The following CENPH variants were observed in gnomAD, a reference collection of about 807,000 sequenced individuals.
CENPH encodes the protein centromere protein H.
In CENPH, 40 loss-of-function variants were observed where a neutral mutation model predicts 42.9. That is an observed-to-expected ratio of 0.93 (90% CI 0.72 to 1.21). The LOEUF is 1.21. Ranked by LOEUF, CENPH falls within the 50% of genes most tolerant of loss-of-function variation. The pLI is 0.00. For synonymous variants in CENPH, 88 were observed against 96.5 expected (o/e 0.91, Z 0.52); for missense variants, 302 against 292.9 (o/e 1.03, Z -0.23).
chr5:69,192,442 A>G (rs1747892384), intron 2 of CENPH, among the ~76,000 whole-genome samples: 1 of 152,214 alleles, frequency 6.6e-6, no homozygotes. Context: ...TAGAATTTCT[A>G]TACCTAGGAG....
chr5:69,202,606 G>A, intron 6 of CENPH, 37 bp downstream of exon 6: 1 of 1,163,324 alleles, frequency 8.6e-7, no homozygotes, highest in East Asian at 2.4e-5. Context: ...GCATTCTCAT[G>A]ATTTTACTCT....
intron 5 of CENPH, among the ~76,000 whole-genome samples, chr5:69,201,013 G>T (rs1188375630): frequency 2.7e-5 from 4 of 148,202 alleles, no homozygotes; most frequent in East Asian, 3.9e-4. Flanking sequence ...TTTTTAAATA[G>T]AGATGTGGTC....
At chr5:69,193,663 G>GTTT (rs527294772) in intron 2 of CENPH, among the ~76,000 whole-genome samples, 3 of 135,496 alleles carry the variant, frequency 2.2e-5, no homozygotes, top group Non-Finnish European at 3.2e-5. Context: ...TGTTTTTTCT[G>GTTT]TTTTTTTTTT....
intron 4 of CENPH, among the ~76,000 whole-genome samples, chr5:69,195,997 G>A (rs556279973): frequency 1.3e-5 from 2 of 152,180 alleles, no homozygotes; most frequent in South Asian, 2.1e-4. Context: ...GGAGTACAGC[G>A]ACATGATCAC....
intron 7 of CENPH, 91 bp from the exon 8 acceptor site, chr5:69,208,105 T>G (rs1261919928): frequency 4.7e-6 from 3 of 635,478 alleles, no homozygotes; most frequent in Non-Finnish European, 7.3e-6. Flanking sequence ...TTGACTAAAA[T>G]AACCAAGAAG....
At chr5:69,206,438 C>T (rs781329484) in intron 7 of CENPH, among the ~76,000 whole-genome samples, 1 of 151,904 alleles carries the variant, frequency 6.6e-6, no homozygotes, top group Non-Finnish European at 1.5e-5. Context: ...ACCTCGGCCT[C>T]CCAAAGTGCT....
At position 69,205,352 on chromosome 5, in the gene CENPH, C is replaced by G. The variant is rs578112374; in HGVS notation, c.487+2382C>G. Among the ~76,000 whole-genome samples the G allele has an allele frequency of 1.5e-3, 225 of 151,816 alleles. 1 individual carries two copies. Among genetic ancestry groups the G allele is most frequent in the African/African-American group, 5.3e-3 (220 of 41,412 alleles). ...AAGCCATTCTTCTGCGTCAGCCTCT[C>G]GAGTAGCTGGGATTACAGGCGTGCC... On this transcript the variant is annotated intron_variant, in intron 7 of 8. Coordinates refer to ENST00000283006, the MANE Select transcript of CENPH (RefSeq NM_022909.4).
intron 8 of CENPH, among the ~76,000 whole-genome samples, chr5:69,208,786 T>C (rs1748201232): frequency 6.6e-6 from 1 of 152,072 alleles, no homozygotes; most frequent in African/African-American, 2.4e-5. Flanking sequence ...ACTTAATGTT[T>C]AAGGTCTTGA....
intron 1 of CENPH, among the ~76,000 whole-genome samples, chr5:69,190,058 C>T (rs779254796): frequency 5.9e-5 from 9 of 152,174 alleles, no homozygotes; most frequent in Non-Finnish European, 8.8e-5. Flanking sequence ...CCGCCCTCCC[C>T]CTACCTCTCT....
At chr5:69,202,147 A>G (rs1748069662) in intron 5 of CENPH, among the ~76,000 whole-genome samples, 1 of 152,238 alleles carries the variant, frequency 6.6e-6, no homozygotes, top group South Asian at 2.1e-4. Flanking sequence ...CATTCAAAAT[A>G]AAAACTAAAA....
At chr5:69,197,017 C>T in intron 4 of CENPH, 36 bp from the exon 5 acceptor site, 2 of 1,387,426 alleles carry the variant, frequency 1.4e-6, no homozygotes, top group Non-Finnish European at 2.0e-6. Context: ...CAAATGTTAT[C>T]CATGTTTTAT....
In CENPH at chr5:69,202,497, C is replaced by T. The variant is rs1281465909; in HGVS notation, c.372-9C>T. 2.0e-6 allele frequency: 3 copies of T among 1,473,360 alleles called. No individual in the cohort carries two copies. The highest frequency in any genetic ancestry group is 1.9e-5 in the Admixed American group (1 of 53,292). 91.3% of individuals were successfully genotyped at this position (1,473,360 alleles called of 1,614,324 possible). On this transcript the variant is annotated splice_polypyrimidine_tract_variant and intron_variant, in intron 5 of 8. Coordinates refer to ENST00000283006, the MANE Select transcript of CENPH (RefSeq NM_022909.4). ...ACCTTAATAAATCATCTTTTTGTTT[C>T]CTTTTCAGTGTGCTCATGGATAACA...
intron 2 of CENPH, among the ~76,000 whole-genome samples, chr5:69,193,184 T>G (rs1747907045): frequency 6.8e-6 from 1 of 147,656 alleles, no homozygotes; most frequent in Non-Finnish European, 1.5e-5. Context: ...TGTGTGTATG[T>G]GTATATATGT....
rs775082990 is a variant in CENPH at position 69,189,584 on chromosome 5, T to A, written c.-51T>A. 18 of 1,504,250 alleles carry A rather than the reference T, an allele frequency of 1.2e-5. 1 individual carries two copies. Among genetic ancestry groups the A allele is most frequent in the South Asian group, 1.1e-4 (9 of 79,208 alleles). 93.2% of individuals were successfully genotyped at this position (1,504,250 alleles called of 1,614,324 possible). A position where few individuals can be genotyped will look rare whatever the true frequency, so the allele number is the denominator to read the frequency against. ...CCATTTAGTGGCGGGAAAAGCGACC[T>A]TTTCTGAGCGCGTTTGCCTGTTGAG... On this transcript the variant is annotated 5_prime_UTR_variant, in exon 1 of 9. Transcript: ENST00000283006.
Position 69,194,680 on chromosome 5 carries a change from A to C in CENPH, c.224A>C (p.Glu75Ala). ...EEKTPEQIMQ[E>A]KQIEAKIEDL... ...AAAACTCCAGAACAAATTATGCAAG[A>C]AAAGCAAATCGAAGCGTATGTTATA... Residue 75 changes from glutamate (E) to alanine (A), a missense_variant, in exon 3 of 9, where the codon GAA becomes GCA. Physicochemically the swap from Glu to Ala is moderately radical, Grantham distance 107 (BLOSUM62 -1). Transcript: ENST00000283006. The C allele has an allele frequency of 6.3e-7, 1 of 1,587,612 alleles. No homozygotes were observed. Among genetic ancestry groups the C allele is most frequent in the Non-Finnish European group, 8.6e-7 (1 of 1,164,502 alleles).
intron 7 of CENPH, among the ~76,000 whole-genome samples, chr5:69,206,412 C>T (rs1748160129): frequency 6.6e-6 from 1 of 151,666 alleles, no homozygotes; most frequent in Admixed American, 6.6e-5. Context: ...AACTCCCTAC[C>T]TCAGGTTATC....
chr5:69,192,236 G>C (rs1747884735), intron 2 of CENPH, among the ~76,000 whole-genome samples: 1 of 152,182 alleles, frequency 6.6e-6, no homozygotes, highest in African/African-American at 2.4e-5. Context: ...AGTATGCTAA[G>C]TGTGCTGAAG....
Position 69,209,900 on chromosome 5 carries a change from T to C in CENPH, c.*101T>C. 1 of 683,604 alleles carries C rather than the reference T, an allele frequency of 1.5e-6. No individual in the cohort carries two copies. Among genetic ancestry groups the C allele is most frequent in the East Asian group, 2.6e-5 (1 of 38,216 alleles). 42.3% of individuals were successfully genotyped at this position (683,604 alleles called of 1,614,324 possible). A position where few individuals can be genotyped will look rare whatever the true frequency, so the allele number is the denominator to read the frequency against. ...TGTCCACCGTAATTTTAGAAAAGCA[T>C]ATCCATAACGTTTACAGTTGTAGTA... On this transcript the variant is annotated 3_prime_UTR_variant, in exon 9 of 9. Coordinates refer to ENST00000283006, the MANE Select transcript of CENPH (RefSeq NM_022909.4).
At chr5:69,197,810 A>C (rs1416826681) in intron 5 of CENPH, among the ~76,000 whole-genome samples, 2 of 151,238 alleles carry the variant, frequency 1.3e-5, no homozygotes, top group African/African-American at 4.8e-5. Flanking sequence ...AATAATAATA[A>C]AATTTTTTAA....
Sources: gnomAD v4.1 joint callset for allele counts (sites outside exome capture counted in the v4.1 genomes callset) on GRCh38, gnomAD v4.1.1 for gene constraint, MANE v1.5 for transcripts, NCBI Gene and HGNC (gene_info 2026-07-23, HGNC 2026-07-21) for gene names.